LRRC3B: variants seen among roughly 807,000 people sequenced by gnomAD.
LRRC3B encodes the protein leucine-rich repeat-containing protein 3B.
LRRC3B carries 2 observed loss-of-function variants against 12.8 expected under a neutral mutation model. The ratio of observed to expected loss-of-function variants is 0.16; its 90% CI spans 0.06 to 0.49. LRRC3B has a LOEUF of 0.49. LRRC3B is among the 20% of genes least tolerant of loss of function. LRRC3B has a pLI of 0.96. For missense variants in LRRC3B, 189 were observed against 319.4 expected (o/e 0.59, Z 3.11); for synonymous variants, 132 against 122.0 (o/e 1.08, Z -0.54).
intron 1 of LRRC3B, among the ~76,000 whole-genome samples, chr3:26,651,176 T>C (rs1218487682): frequency 6.6e-6 from 1 of 152,234 alleles, no homozygotes; most frequent in Non-Finnish European, 1.5e-5. Flanking sequence ...TAAAAATGAC[T>C]TACTCTGAGA....
chr3:26,698,323 T>C (rs568872902), intron 1 of LRRC3B, among the ~76,000 whole-genome samples: 3 of 152,316 alleles, frequency 2.0e-5, no homozygotes, highest in Middle Eastern at 3.4e-3. Context: ...ATGCAATGAG[T>C]TAGTGGCCAA....
At chr3:26,680,510 C>T (rs1699949155) in intron 1 of LRRC3B, among the ~76,000 whole-genome samples, 1 of 152,160 alleles carries the variant, frequency 6.6e-6, no homozygotes, top group Non-Finnish European at 1.5e-5. Context: ...TTTTATATTG[C>T]ATCCATTTGT....
At chr3:26,671,371 T>TAGAGAGAGAGAGAG (rs1207421811) in intron 1 of LRRC3B, among the ~76,000 whole-genome samples, 84 of 35,932 alleles carry the variant, frequency 2.3e-3, no homozygotes, top group Admixed American at 3.7e-3. Context: ...TATATATATA[T>TAGAGAGAGAGAGAG]ATAGAGAGAG....
intron 1 of LRRC3B, among the ~76,000 whole-genome samples, chr3:26,680,866 A>G (rs1363118942): frequency 1.3e-5 from 2 of 152,250 alleles, no homozygotes; most frequent in African/African-American, 4.8e-5. Flanking sequence ...TATTTCAGAA[A>G]AGCATCCTAA....
chr3:26,647,269 A>G (rs1201820642), intron 1 of LRRC3B, among the ~76,000 whole-genome samples: 2 of 151,984 alleles, frequency 1.3e-5, no homozygotes, highest in Non-Finnish European at 2.9e-5. Context: ...GGCGTTTCTC[A>G]CTATCTTAAC....
At chr3:26,706,351 G>GCAT (rs1458133196) in intron 1 of LRRC3B, among the ~76,000 whole-genome samples, 1 of 152,146 alleles carries the variant, frequency 6.6e-6, no homozygotes, top group African/African-American at 2.4e-5. Context: ...TCTACATCCT[G>GCAT]CATCTTTTGT....
intron 1 of LRRC3B, among the ~76,000 whole-genome samples, chr3:26,706,910 A>G (rs1190435321): frequency 6.6e-6 from 1 of 152,218 alleles, no homozygotes; most frequent in Non-Finnish European, 1.5e-5. Context: ...AAGCGTACCT[A>G]GACTCTTCAA....
chr3:26,626,491 A>G (rs956181456), intron 1 of LRRC3B, among the ~76,000 whole-genome samples: 20 of 152,160 alleles, frequency 1.3e-4, no homozygotes, highest in Admixed American at 1.3e-3. Context: ...GCTCAAGGCC[A>G]TTTGGTGCAT....
chr3:26,642,545 C>T (rs575967686), intron 1 of LRRC3B, among the ~76,000 whole-genome samples: 1 of 152,222 alleles, frequency 6.6e-6, no homozygotes, highest in South Asian at 2.1e-4. Context: ...ATGACTTGGC[C>T]AAATGAATAG....
chr3:26,691,105 G>GTGTGTGTATATATATATA (rs372629683), intron 1 of LRRC3B, among the ~76,000 whole-genome samples: 10 of 84,830 alleles, frequency 1.2e-4, no homozygotes, highest in East Asian at 1.1e-3. Flanking sequence ...GTGTGTGTGT[G>GTGTGTGTATATATATATA]TATATATATA....
chr3:26,701,385 TC>T (rs1700450473), intron 1 of LRRC3B: 1 of 152,154 alleles, frequency 6.6e-6, no homozygotes, highest in African/African-American at 2.4e-5. Flanking sequence ...TTTCATACCC[TC>T]CCCCCATGTG....
At chr3:26,672,445 C>A (rs375117774) in intron 1 of LRRC3B, among the ~76,000 whole-genome samples, 1 of 152,098 alleles carries the variant, frequency 6.6e-6, no homozygotes, top group South Asian at 2.1e-4. Flanking sequence ...GTAAATAATC[C>A]AAAACAAGTG....
intron 1 of LRRC3B, among the ~76,000 whole-genome samples, chr3:26,668,134 G>A (rs1699647054): frequency 6.6e-6 from 1 of 152,174 alleles, no homozygotes; most frequent in East Asian, 1.9e-4. Context: ...TAATCTACAC[G>A]GGGAATACAG....
chr3:26,690,240 G>T (rs908414984), intron 1 of LRRC3B, among the ~76,000 whole-genome samples: 6 of 152,152 alleles, frequency 3.9e-5, no homozygotes, highest in Admixed American at 1.3e-4. Context: ...ATTTTTAAAA[G>T]ATTGTGCACG....
At chr3:26,645,382 A>C (rs1699121478) in intron 1 of LRRC3B, among the ~76,000 whole-genome samples, 2 of 152,150 alleles carry the variant, frequency 1.3e-5, no homozygotes. Context: ...GTAAGCAAAG[A>C]AATCATTTAA....
At chr3:26,678,145 G>A (rs963530586) in intron 1 of LRRC3B, among the ~76,000 whole-genome samples, 5 of 152,012 alleles carry the variant, frequency 3.3e-5, no homozygotes, top group Admixed American at 6.6e-5. Context: ...AGTAGTTTTA[G>A]GTACATATGA....
chr3:26,631,854 A>T (rs1401766302), intron 1 of LRRC3B, among the ~76,000 whole-genome samples: 1 of 151,280 alleles, frequency 6.6e-6, no homozygotes, highest in African/African-American at 2.5e-5. Context: ...TAAGAGGGAA[A>T]TTAGGAGTTA....
chr3:26,642,800 C>T (rs530672344), intron 1 of LRRC3B, among the ~76,000 whole-genome samples: 4 of 152,216 alleles, frequency 2.6e-5, no homozygotes, highest in Non-Finnish European at 4.4e-5. Flanking sequence ...AGGCAGATCA[C>T]GAAGTCAGGA....
intron 1 of LRRC3B, among the ~76,000 whole-genome samples, chr3:26,691,105 G>GTGTA (rs372629683): frequency 0.11 from 9,697 of 84,832 alleles, 605 homozygotes; most frequent in Middle Eastern, 0.19. Flanking sequence ...GTGTGTGTGT[G>GTGTA]TATATATATA....
Sources: gnomAD v4.1 joint callset for allele counts (sites outside exome capture counted in the v4.1 genomes callset) on GRCh38, gnomAD v4.1.1 for gene constraint, MANE v1.5 for transcripts, NCBI Gene and HGNC (gene_info 2026-07-23, HGNC 2026-07-21) for gene names.